The following ACSS3 variants were observed in gnomAD, a reference collection of about 807,000 sequenced individuals.
ACSS3 encodes acyl-CoA synthetase short-chain family member 3, mitochondrial.
ACSS3 carries 64 observed loss-of-function variants against 84.2 expected under a neutral mutation model. The observed-to-expected ratio is 0.76, with a 90% confidence interval of 0.62 to 0.94. The LOEUF (loss-of-function observed/expected upper bound fraction) is 0.94, where lower values mean the gene tolerates loss of function less well. ACSS3 is among the 40% of genes least tolerant of loss of function. ACSS3 has a pLI of 0.00. For missense variants in ACSS3, 815 were observed against 867.6 expected, an observed-to-expected ratio of 0.94 and a Z score of 0.76; for synonymous variants, 317 against 310.1, an observed-to-expected ratio of 1.02 and a Z score of -0.23.
chr12:81,100,412 A>C (rs991818657), intron 1 of ACSS3, among the ~76,000 whole-genome samples: 3 of 152,128 alleles, frequency 2.0e-5, no homozygotes, highest in African/African-American at 7.2e-5. Context: ...GAGAGCTTAC[A>C]TGATGAAGGT....
intron 8 of ACSS3, among the ~76,000 whole-genome samples, chr12:81,179,507 A>C (rs931788544): frequency 2.6e-5 from 4 of 151,922 alleles, no homozygotes; most frequent in Non-Finnish European, 5.9e-5. Flanking sequence ...AACCCCATTA[A>C]GAAATGGGCT....
intron 5 of ACSS3, among the ~76,000 whole-genome samples, chr12:81,150,985 C>T (rs1221834977): frequency 4.6e-5 from 7 of 152,134 alleles, no homozygotes; most frequent in Non-Finnish European, 1.0e-4. Context: ...TGTTCACCTA[C>T]TCATTCTGAG....
At chr12:81,123,509 G>C (rs1252074010) in intron 2 of ACSS3, among the ~76,000 whole-genome samples, 1 of 151,900 alleles carries the variant, frequency 6.6e-6, no homozygotes, top group Non-Finnish European at 1.5e-5. Flanking sequence ...TTTAGGTTTA[G>C]GGGGTACATG....
rs368343278 is a variant in ACSS3 at position 81,178,370 on chromosome 12, C to T, written c.1250+3431C>T. Among the ~76,000 whole-genome samples, 7 of 148,566 alleles carry T rather than the reference C, an allele frequency of 4.7e-5. 1 individual carries two copies. The highest frequency in any genetic ancestry group is 2.0e-4 in the East Asian group (1 of 5,092). On this transcript the variant is annotated intron_variant, in intron 8 of 15. Transcript: ENST00000548058. ...AGGAGATATACCTAATGCTAAATGA[C>T]GAGTTAATGGGTCCAGCACACCAGC...
chr12:81,147,417 G>C (rs1886392791), intron 5 of ACSS3, among the ~76,000 whole-genome samples: 1 of 152,178 alleles, frequency 6.6e-6, no homozygotes, highest in African/African-American at 2.4e-5. Context: ...CCCAGACACT[G>C]TGCTGAAGAT....
chr12:81,142,257 C>T (rs1566000563), intron 4 of ACSS3, among the ~76,000 whole-genome samples: 1 of 152,116 alleles, frequency 6.6e-6, no homozygotes, highest in African/African-American at 2.4e-5. Flanking sequence ...TTATAAACTT[C>T]CTGATGTGTG....
At chr12:81,130,688 A>C (rs2701785) in intron 2 of ACSS3, among the ~76,000 whole-genome samples, 1 of 152,034 alleles carries the variant, frequency 6.6e-6, no homozygotes, top group Non-Finnish European at 1.5e-5. Context: ...TGTTTTAGTC[A>C]TGAAGTCCTT....
Position 81,137,318 on chromosome 12 carries a change from C to A in ACSS3, c.646-1813C>A, listed in dbSNP as rs1357844718. On this transcript the variant is annotated intron_variant, in intron 3 of 15. Transcript: ENST00000548058. ...GGTGTACCACTTAAGGAATTTTCAT[C>A]CATCACACACACACACACACACACA... 2.4e-5 allele frequency among the ~76,000 whole-genome samples: 3 copies of A among 124,926 alleles called. No individual in the cohort carries two copies. In the East Asian group the frequency reaches 7.4e-4, roughly 31 times the overall value. 82.0% of individuals were successfully genotyped at this position (124,926 alleles called of 152,430 possible).
In ACSS3 at chr12:81,233,842, C is replaced by T. The variant is rs182526078; in HGVS notation, c.1719+371C>T. ...ATGGGATTAAACATTTTATTGTACT[C>T]TTAAATCCTGAGAATTTTCTTCCAA... On this transcript the variant is annotated intron_variant, in intron 13 of 15. Transcript: ENST00000548058. 2.0e-4 allele frequency among the ~76,000 whole-genome samples: 30 copies of T among 151,624 alleles called. 1 individual carries two copies. The highest frequency in any genetic ancestry group is 6.5e-4 in the African/African-American group (27 of 41,464).
At chr12:81,130,190 G>A (rs1885397416) in intron 2 of ACSS3, among the ~76,000 whole-genome samples, 1 of 152,184 alleles carries the variant, frequency 6.6e-6, no homozygotes, top group Non-Finnish European at 1.5e-5. Context: ...AGATCCTTGA[G>A]GAATCGCCAC....
chr12:81,242,892 A>G (rs2033856916), intron 13 of ACSS3, among the ~76,000 whole-genome samples: 1 of 152,170 alleles, frequency 6.6e-6, no homozygotes, highest in Admixed American at 6.5e-5. Flanking sequence ...ACAAACCCAC[A>G]GCCAATATAA....
chr12:81,110,823 A>ATTTGCTTT (rs1354995069), intron 2 of ACSS3, among the ~76,000 whole-genome samples: 2 of 152,148 alleles, frequency 1.3e-5, no homozygotes, highest in African/African-American at 4.8e-5. Flanking sequence ...GTTTGGAGGC[A>ATTTGCTTT]TTTGCTTTGA....
intron 2 of ACSS3, among the ~76,000 whole-genome samples, chr12:81,122,166 C>T (rs1191011308): frequency 6.6e-6 from 1 of 151,966 alleles, no homozygotes; most frequent in Non-Finnish European, 1.5e-5. Context: ...CTCCTGACCT[C>T]TTGATCTGCC....
chr12:81,089,631 T>C (rs1881544565), intron 1 of ACSS3, among the ~76,000 whole-genome samples: 1 of 150,636 alleles, frequency 6.6e-6, no homozygotes, highest in Non-Finnish European at 1.5e-5. Context: ...GAAACTAACA[T>C]GTGATTATTC....
At position 81,231,108 on chromosome 12, in the gene ACSS3, A is replaced by G. The variant is rs1231283058; in HGVS notation, c.1566A>G (p.Ala522=). ...CAGGACTCTGGAAGAATCAGGAAGC[A>G]TTCAAGCATTTATACTTTGAAAAAT... ...AFSGLWKNQE[A]FKHLYFEKFP... Residue 522 remains alanine, a synonymous_variant, in exon 12 of 16, where the codon GCA becomes GCG. Transcript: ENST00000548058. 8 of 1,610,856 alleles carry G rather than the reference A, an allele frequency of 5.0e-6. No individual in the cohort carries two copies. The South Asian group carries it at 5.5e-5, about 11-fold the overall frequency.
intron 2 of ACSS3, among the ~76,000 whole-genome samples, chr12:81,115,120 A>G (rs1762877277): frequency 6.6e-6 from 1 of 152,168 alleles, no homozygotes; most frequent in African/African-American, 2.4e-5. Flanking sequence ...ATTACAAACA[A>G]TGTTGCTATA....
chr12:81,090,911 GT>G (rs1250096791), intron 1 of ACSS3, among the ~76,000 whole-genome samples: 2 of 152,000 alleles, frequency 1.3e-5, no homozygotes, highest in African/African-American at 4.8e-5. Context: ...ATATAAAATA[GT>G]GTAATATTTG....
At chr12:81,200,082 C>G (rs1264358975) in intron 9 of ACSS3, among the ~76,000 whole-genome samples, 1 of 151,816 alleles carries the variant, frequency 6.6e-6, no homozygotes, top group Non-Finnish European at 1.5e-5. Flanking sequence ...CTAAGTGTTC[C>G]CTGGGAAACA....
intron 1 of ACSS3, among the ~76,000 whole-genome samples, chr12:81,105,484 GT>G (rs1377727926): frequency 2.0e-5 from 3 of 152,130 alleles, no homozygotes; most frequent in Admixed American, 2.0e-4. Context: ...TATAACACCA[GT>G]TTAGACATCT....
Sources: allele counts gnomAD v4.1 joint callset (sites outside exome capture counted in the v4.1 genomes callset), GRCh38; gene constraint gnomAD v4.1.1; transcripts MANE v1.5; gene names NCBI Gene and HGNC (gene_info 2026-07-23, HGNC 2026-07-21).